The following TMEM131 variants were observed in gnomAD, a reference collection of about 807,000 sequenced individuals.
TMEM131 encodes 2610524E03Rik.
TMEM131 carries 66 observed loss-of-function variants against 211.6 expected under a neutral mutation model. The ratio of observed to expected loss-of-function variants is 0.31; its 90% CI spans 0.26 to 0.38. The LOEUF (loss-of-function observed/expected upper bound fraction) is 0.38. Ranked by LOEUF, TMEM131 falls within the 10% of genes least tolerant of loss-of-function variation. TMEM131 has a pLI of 1.00. For missense variants in TMEM131, 2,036 were observed against 2,299.3 expected (o/e 0.89, Z 2.34); for synonymous variants, 844 against 841.3 (o/e 1.00, Z -0.06).
intron 4 of TMEM131, among the ~76,000 whole-genome samples, chr2:97,883,445 A>G (rs1000858234): frequency 6.6e-6 from 1 of 152,156 alleles, no homozygotes; most frequent in African/African-American, 2.4e-5. Flanking sequence ...CTCTCAGCTC[A>G]TGAGATTTCA....
At chr2:97,845,668 A>G (rs1224490242) in intron 5 of TMEM131, among the ~76,000 whole-genome samples, 3 of 152,022 alleles carry the variant, frequency 2.0e-5, no homozygotes, top group African/African-American at 7.2e-5. Context: ...TTCTGTTTTG[A>G]GACACTAGAA....
At chr2:97,835,624 AG>A (rs1200385011) in intron 8 of TMEM131, among the ~76,000 whole-genome samples, 4 of 152,202 alleles carry the variant, frequency 2.6e-5, no homozygotes, top group African/African-American at 9.7e-5. Context: ...AGCATATTTT[AG>A]GAGATTCTTG....
intron 5 of TMEM131, among the ~76,000 whole-genome samples, chr2:97,849,459 G>C (rs1397517910): frequency 6.6e-6 from 1 of 152,052 alleles, no homozygotes; most frequent in African/African-American, 2.4e-5. Flanking sequence ...AAAGAAGCCA[G>C]ACTAAAAATG....
At chr2:97,852,194 G>A (rs1451441931) in intron 5 of TMEM131, among the ~76,000 whole-genome samples, 4 of 135,986 alleles carry the variant, frequency 2.9e-5, no homozygotes, top group African/African-American at 8.5e-5. Context: ...ATGGAGTTTC[G>A]CTTGATGCCC....
At chr2:97,759,461 G>A in intron 39 of TMEM131, 191 bp downstream of exon 39, 1 of 587,524 alleles carries the variant, frequency 1.7e-6, no homozygotes, top group Non-Finnish European at 3.0e-6. Flanking sequence ...TGTCGAGCCT[G>A]GTCCACTGCC....
Position 97,787,638 on chromosome 2 carries a change from T to G in TMEM131, c.4144+4748A>C, listed in dbSNP as rs545827338. ...AAAGGTTTTTTTCCCCAAACTCATT[T>G]AGAAACAAAACTTAATATGACTATA... On this transcript the variant is annotated intron_variant, in intron 31 of 40. Transcript: ENST00000186436. 3.9e-5 allele frequency among the ~76,000 whole-genome samples: 6 copies of G among 152,342 alleles called. No individual in the cohort carries two copies. In the South Asian group the frequency reaches 1.2e-3, roughly 32 times the overall value.
intron 4 of TMEM131, among the ~76,000 whole-genome samples, chr2:97,866,163 G>A (rs1318569489): frequency 6.6e-6 from 1 of 152,216 alleles, no homozygotes; most frequent in Non-Finnish European, 1.5e-5. Context: ...TTACAGGCGT[G>A]AGCCGCCGTG....
At chr2:97,930,731 T>G (rs1043778899) in intron 1 of TMEM131, among the ~76,000 whole-genome samples, 2 of 151,780 alleles carry the variant, frequency 1.3e-5, no homozygotes, top group Admixed American at 1.3e-4. Flanking sequence ...GTAACAAAAG[T>G]CAGTCAAGTT....
At position 97,939,635 on chromosome 2, in the gene TMEM131, A is replaced by G. The variant is rs182134742; in HGVS notation, c.188-12148T>C. On this transcript the variant is annotated intron_variant, in intron 1 of 40. Transcript: ENST00000186436. ...GTACCATTCCTTCTGAAACTATTGC[A>G]ATCAACAGAAAAAGAGGGAATCCTC... 1.6e-3 allele frequency among the ~76,000 whole-genome samples: 248 copies of G among 152,342 alleles called. 2 individuals carry two copies. The highest frequency in any genetic ancestry group is 5.7e-3 in the African/African-American group (239 of 41,576).
chr2:97,957,846 A>G (rs926225519), intron 1 of TMEM131, among the ~76,000 whole-genome samples: 3 of 152,176 alleles, frequency 2.0e-5, no homozygotes, highest in South Asian at 4.1e-4. Flanking sequence ...AAAAAAAAAG[A>G]TAACTTTTAA....
At chr2:97,772,163 C>A in intron 33 of TMEM131, 134 bp downstream of exon 33, 1 of 986,680 alleles carries the variant, frequency 1.0e-6, no homozygotes, top group South Asian at 1.5e-5. Flanking sequence ...AGGAATGTGA[C>A]GTAGCACCTG....
chr2:97,766,163 G>A lies in TMEM131; in HGVS notation c.4674C>T (p.Asp1558=), dbSNP rs1679153869. 3 of 1,614,048 alleles carry A rather than the reference G, an allele frequency of 1.9e-6. No homozygotes were observed. The highest frequency in any genetic ancestry group is 2.7e-5 in the African/African-American group (2 of 75,064). The part of the protein sequence containing the change: ...GNTSSSEGEK[D]SPPPEWDSVP... ...CGGAATCCCACTCCGGTGGAGGAGAGTCTTTTTCACCCTCTGAGCTACTGG... is the reference window on the plus strand; with the variant it reads ...CGGAATCCCACTCCGGTGGAGGAGAATCTTTTTCACCCTCTGAGCTACTGG... The change falls in exon 35 of 41, where the codon GAC becomes GAT. Residue 1558 remains aspartate, a synonymous_variant. Transcript: ENST00000186436.
chr2:97,805,768 T>C, intron 19 of TMEM131, 65 bp from the exon 20 acceptor site: 1 of 1,422,374 alleles, frequency 7.0e-7, no homozygotes, highest in Middle Eastern at 2.5e-4. Context: ...GATCACAAGT[T>C]TCAGAGTAGA....
In TMEM131 at chr2:97,775,060, A is replaced by G. The variant is rs375094720; in HGVS notation, c.4320+783T>C. 3.3e-5 allele frequency among the ~76,000 whole-genome samples: 5 copies of G among 152,368 alleles called. No individual in the cohort carries two copies. In the East Asian group the frequency reaches 5.8e-4, roughly 18 times the overall value. On this transcript the variant is annotated intron_variant, in intron 32 of 40. Transcript: ENST00000186436. ...TAAAAAAGAAAGTCTGTTCTACAAC[A>G]TTAAAGGCTATATTAGGATCAGTTT...
Position 97,853,607 on chromosome 2 carries a change from GAAA to G in TMEM131, c.483+5694_483+5696del, listed in dbSNP as rs565061872. Among the ~76,000 whole-genome samples the G allele has an allele frequency of 4.0e-5, 5 of 125,010 alleles. No individual in the cohort carries two copies. In the East Asian group the frequency reaches 7.6e-4, roughly 19 times the overall value. The allele number at this position is 125,010 out of a possible 152,430, so 82.0% of individuals were successfully genotyped here. On this transcript the variant is annotated intron_variant, in intron 5 of 40. Coordinates refer to ENST00000186436, the MANE Select transcript of TMEM131 (RefSeq NM_015348.2). ...GGCGACAGAGTGAGACCCCGTCTTG[GAAA>G]AAAAAAAAAAAAAAAGAACATTTGT...
intron 13 of TMEM131, among the ~76,000 whole-genome samples, chr2:97,814,951 G>C (rs1681747164): frequency 6.6e-6 from 1 of 152,076 alleles, no homozygotes; most frequent in African/African-American, 2.4e-5. Context: ...TAAAAAATCA[G>C]ATTTTTGAAT....
chr2:97,831,193 A>G (rs765329307), intron 11 of TMEM131, among the ~76,000 whole-genome samples: 3 of 152,212 alleles, frequency 2.0e-5, no homozygotes, highest in African/African-American at 4.8e-5. Flanking sequence ...CACTCTCCAC[A>G]AAGTAGCTAC....
chr2:97,809,798 T>TA (rs777153862), intron 18 of TMEM131, 24 bp from the exon 19 acceptor site: 8 of 1,557,814 alleles, frequency 5.1e-6, no homozygotes, highest in Non-Finnish European at 6.1e-6. Context: ...AAGATGATGA[T>TA]AGATAAGTAG....
chr2:97,872,939 G>A (rs1162349404), intron 4 of TMEM131, among the ~76,000 whole-genome samples: 2 of 152,332 alleles, frequency 1.3e-5, no homozygotes, highest in Admixed American at 6.5e-5. Flanking sequence ...GGACCCAAGT[G>A]GCCTGGCTCA....
Sources: gnomAD v4.1 joint callset for allele counts (sites outside exome capture counted in the v4.1 genomes callset) on GRCh38, gnomAD v4.1.1 for gene constraint, MANE v1.5 for transcripts, NCBI Gene and HGNC (gene_info 2026-07-23, HGNC 2026-07-21) for gene names.